Variants in TMEM150C observed in about 807,000 individuals in gnomAD.
TMEM150C encodes tentonin 3.
A neutral mutation model predicts 29.9 loss-of-function variants in TMEM150C; 10 were observed. That is an observed-to-expected ratio of 0.33 (90% CI 0.21 to 0.57). The LOEUF is 0.57. Among genes scored for constraint, TMEM150C ranks in the 20% least tolerant of loss-of-function variants. TMEM150C has a pLI of 0.88. For missense variants in TMEM150C, 251 were observed against 303.6 expected (o/e 0.83, Z 1.29); for synonymous variants, 101 against 112.5 (o/e 0.90, Z 0.64).
At chr4:82,520,742 G>A (rs1376667166) in intron 1 of TMEM150C, among the ~76,000 whole-genome samples, 1 of 152,168 alleles carries the variant, frequency 6.6e-6, no homozygotes, top group Non-Finnish European at 1.5e-5. Flanking sequence ...AAATTAGCCA[G>A]GTGTAGTGGC....
chr4:82,495,008 A>C (rs1413455291), intron 6 of TMEM150C: 1 of 888,162 alleles, frequency 1.1e-6, no homozygotes, highest in East Asian at 2.8e-5. Flanking sequence ...GCTTCTTCAG[A>C]GCAATAGGCT....
At chr4:82,520,808 G>T (rs1039862658) in intron 1 of TMEM150C, among the ~76,000 whole-genome samples, 1 of 152,156 alleles carries the variant, frequency 6.6e-6, no homozygotes, top group Admixed American at 6.5e-5. Flanking sequence ...AGGAAACTGA[G>T]GATACAATAA....
intron 7 of TMEM150C, among the ~76,000 whole-genome samples, chr4:82,487,983 G>A (rs1016425482): frequency 6.6e-6 from 1 of 152,026 alleles, no homozygotes; most frequent in Non-Finnish European, 1.5e-5. Flanking sequence ...GGTGGTGTTT[G>A]GTTGCATGAA....
At chr4:82,533,427 C>CA (rs1316202444) in intron 1 of TMEM150C, among the ~76,000 whole-genome samples, 1 of 151,934 alleles carries the variant, frequency 6.6e-6, no homozygotes, top group Non-Finnish European at 1.5e-5. Flanking sequence ...AGCATATCTC[C>CA]AAAAAAAGAA....
intron 1 of TMEM150C, among the ~76,000 whole-genome samples, chr4:82,555,284 A>G (rs1453238684): frequency 1.3e-5 from 2 of 152,204 alleles, no homozygotes; most frequent in Non-Finnish European, 2.9e-5. Context: ...CTTAGGATGT[A>G]GTAAATAGTG....
intron 6 of TMEM150C, among the ~76,000 whole-genome samples, chr4:82,492,637 T>C (rs1429086010): frequency 6.6e-6 from 1 of 151,808 alleles, no homozygotes; most frequent in African/African-American, 2.4e-5. Context: ...TACCAACTGA[T>C]GTTTAAAATA....
Position 82,485,691 on chromosome 4 carries a change from G to A in TMEM150C, c.570C>T (p.His190=). The A allele has an allele frequency of 3.1e-6, 5 of 1,608,782 alleles. No individual in the cohort carries two copies. The highest frequency in any genetic ancestry group is 4.2e-6 in the Non-Finnish European group (5 of 1,177,734). ...CCCACTGGACCCTGGCTGCATACAT[G>A]TGGATGCTTTGGGCCATGAGGATGA... The part of the protein sequence containing the change: ...LYFILMAQSI[H]MYAARVQWGL... The change falls in exon 8 of 8, where the codon CAC becomes CAT. Residue 190 remains histidine (H), a synonymous_variant. Transcript: ENST00000449862.
intron 1 of TMEM150C, among the ~76,000 whole-genome samples, chr4:82,529,526 G>C (rs558373955): frequency 6.6e-6 from 1 of 152,104 alleles, no homozygotes; most frequent in Admixed American, 6.6e-5. Context: ...GGGCTCAAGC[G>C]ATTCTCCTGC....
At chr4:82,539,388 T>C (rs1275805324) in intron 1 of TMEM150C, among the ~76,000 whole-genome samples, 1 of 152,094 alleles carries the variant, frequency 6.6e-6, no homozygotes, top group Non-Finnish European at 1.5e-5. Context: ...GACCAGAGAA[T>C]TGATTAAAAT....
chr4:82,528,979 C>G (rs543795615), intron 1 of TMEM150C, among the ~76,000 whole-genome samples: 1 of 151,500 alleles, frequency 6.6e-6, no homozygotes, highest in East Asian at 2.0e-4. Context: ...GGTAAGTGGT[C>G]AGGCTGGACG....
At chr4:82,541,340 G>A (rs1271397109) in intron 1 of TMEM150C, among the ~76,000 whole-genome samples, 2 of 151,996 alleles carry the variant, frequency 1.3e-5, no homozygotes, top group African/African-American at 2.4e-5. Flanking sequence ...TTAGAGAGAG[G>A]AGGCAATGTT....
intron 6 of TMEM150C, among the ~76,000 whole-genome samples, chr4:82,494,349 AG>A (rs1369385116): frequency 6.6e-6 from 1 of 152,218 alleles, no homozygotes; most frequent in African/African-American, 2.4e-5. Flanking sequence ...TTATGCTTAA[AG>A]GTTGTGACCT....
intron 1 of TMEM150C, among the ~76,000 whole-genome samples, chr4:82,537,377 T>C (rs1254231128): frequency 6.6e-6 from 1 of 152,234 alleles, no homozygotes; most frequent in African/African-American, 2.4e-5. Context: ...ATGGTAATAC[T>C]TAATGCAGGC....
At chr4:82,506,220 G>T (rs1723914801) in intron 1 of TMEM150C, among the ~76,000 whole-genome samples, 1 of 152,158 alleles carries the variant, frequency 6.6e-6, no homozygotes, top group Admixed American at 6.5e-5. Context: ...GTTGAGACAA[G>T]AGAGGAAACA....
chr4:82,491,311 C>G (rs1723338753), intron 6 of TMEM150C: 1 of 674,428 alleles, frequency 1.5e-6, no homozygotes, highest in Admixed American at 2.2e-5. Context: ...TGCTTTGTCT[C>G]TGGTCTGTAC....
At chr4:82,527,094 G>T (rs1724681272) in intron 1 of TMEM150C, among the ~76,000 whole-genome samples, 1 of 144,150 alleles carries the variant, frequency 6.9e-6, no homozygotes, top group African/African-American at 2.6e-5. Flanking sequence ...TAAACCTCAG[G>T]TATTTCAGCT....
chr4:82,559,227 TTGG>T (rs1246919434), intron 1 of TMEM150C, among the ~76,000 whole-genome samples: 2 of 151,986 alleles, frequency 1.3e-5, no homozygotes, highest in Non-Finnish European at 1.5e-5. Context: ...ACAAAGCCTG[TTGG>T]TGGACTCTCT....
chr4:82,514,519 C>G (rs140806031), intron 1 of TMEM150C, among the ~76,000 whole-genome samples: 145 of 152,072 alleles, frequency 9.5e-4, no homozygotes, highest in African/African-American at 3.3e-3. Context: ...TGGTTTGTCT[C>G]CCTTGGGATG....
rs182509958 is a variant in TMEM150C at position 82,527,623 on chromosome 4, T to C, written c.-10-22956A>G. ...TTGAGCTTGTGGTAGGTTGCTTCCCTGTGCTCTCCCTCCATGCCTTCTTCC... is the reference window on the plus strand; with the variant it reads ...TTGAGCTTGTGGTAGGTTGCTTCCCCGTGCTCTCCCTCCATGCCTTCTTCC... On this transcript the variant is annotated intron_variant, in intron 1 of 7. Coordinates refer to ENST00000449862, the MANE Select transcript of TMEM150C (RefSeq NM_001080506.3). Among the ~76,000 whole-genome samples, 307 of 152,326 alleles carry C rather than the reference T, an allele frequency of 2.0e-3. 6 individuals carry two copies. The highest frequency in any genetic ancestry group is 0.019 in the Admixed American group (288 of 15,302).
Sources: gnomAD v4.1 joint callset for allele counts (sites outside exome capture counted in the v4.1 genomes callset) on GRCh38, gnomAD v4.1.1 for gene constraint, MANE v1.5 for transcripts, NCBI Gene and HGNC (gene_info 2026-07-23, HGNC 2026-07-21) for gene names.